The following ROBO2 variants were observed in gnomAD, a reference collection of about 807,000 sequenced individuals.
ROBO2 encodes the protein roundabout homolog 2.
ROBO2 carries 53 observed loss-of-function variants against 160.8 expected under a neutral mutation model. That is an observed-to-expected ratio of 0.33 (90% CI 0.26 to 0.41). The LOEUF (loss-of-function observed/expected upper bound fraction) is 0.41, where lower values mean the gene tolerates loss of function less well. ROBO2 is among the 10% of genes least tolerant of loss of function. The pLI, the probability that ROBO2 is intolerant of heterozygous loss-of-function variation, is 1.00. For synonymous variants in ROBO2, 664 were observed against 611.7 expected, an observed-to-expected ratio of 1.09 and a Z score of -1.26; for missense variants, 1,577 against 1,722.4, an observed-to-expected ratio of 0.92 and a Z score of 1.49.
intron 2 of ROBO2, among the ~76,000 whole-genome samples, chr3:76,261,707 T>C (rs1706778996): frequency 6.6e-6 from 1 of 152,128 alleles, no homozygotes. Context: ...CTCCTCATCG[T>C]AGAAAAAATA....
chr3:76,307,568 C>A (rs1170141518), intron 2 of ROBO2, among the ~76,000 whole-genome samples: 1 of 151,830 alleles, frequency 6.6e-6, no homozygotes, highest in African/African-American at 2.4e-5. Context: ...TGCCAGTAAA[C>A]TAAAGAAGAT....
At chr3:77,360,395 G>C (rs1482249339) in intron 2 of ROBO2, among the ~76,000 whole-genome samples, 1 of 152,044 alleles carries the variant, frequency 6.6e-6, no homozygotes, top group Non-Finnish European at 1.5e-5. Flanking sequence ...ATGAAGGGTG[G>C]AGAGGAAAGG....
intron 2 of ROBO2, among the ~76,000 whole-genome samples, chr3:76,249,320 G>A (rs1302707375): frequency 1.3e-5 from 2 of 152,160 alleles, no homozygotes; most frequent in East Asian, 3.9e-4. Flanking sequence ...TTAAAACTGA[G>A]ATTCTCAAGG....
intron 2 of ROBO2, among the ~76,000 whole-genome samples, chr3:76,766,806 A>T (rs2061599555): frequency 1.3e-5 from 2 of 151,570 alleles, no homozygotes; most frequent in Admixed American, 6.6e-5. Context: ...AATATTTGCC[A>T]TTGCTGTCTG....
At chr3:76,278,159 G>A (rs550618578) in intron 2 of ROBO2, among the ~76,000 whole-genome samples, 3 of 151,994 alleles carry the variant, frequency 2.0e-5, no homozygotes, top group South Asian at 4.1e-4. Context: ...GACTAATTGG[G>A]TGATGAAAAC....
chr3:76,366,390 AT>A (rs746199141), intron 2 of ROBO2, among the ~76,000 whole-genome samples: 9 of 151,818 alleles, frequency 5.9e-5, no homozygotes, highest in East Asian at 1.9e-4. Flanking sequence ...AATACTTCAG[AT>A]TTTTTTTATG....
chr3:77,503,490 C>T (rs2153609559), intron 5 of ROBO2, among the ~76,000 whole-genome samples: 1 of 150,626 alleles, frequency 6.6e-6, no homozygotes, highest in Admixed American at 6.6e-5. Flanking sequence ...CGCCACTGCA[C>T]TCCAGCCTGG....
At chr3:76,453,171 C>T (rs966228601) in intron 2 of ROBO2, among the ~76,000 whole-genome samples, 78 of 151,698 alleles carry the variant, frequency 5.1e-4, no homozygotes, top group African/African-American at 1.6e-3. Flanking sequence ...CAGAAGCTCT[C>T]TAGTTTAATT....
At chr3:75,931,900 C>T (rs991697697) in intron 1 of ROBO2, among the ~76,000 whole-genome samples, 6 of 152,046 alleles carry the variant, frequency 3.9e-5, no homozygotes, top group African/African-American at 1.4e-4. Context: ...CACTGCAGCT[C>T]AGTAACTAAG....
chr3:75,955,859 C>T (rs1381698569), intron 2 of ROBO2, among the ~76,000 whole-genome samples: 1 of 151,742 alleles, frequency 6.6e-6, no homozygotes, highest in Admixed American at 6.6e-5. Flanking sequence ...CTCACTCTCA[C>T]TGTGCCCTTT....
intron 2 of ROBO2, among the ~76,000 whole-genome samples, chr3:76,418,625 TCTGGTTCAG>T (rs967320677): frequency 6.6e-6 from 1 of 152,126 alleles, no homozygotes; most frequent in Non-Finnish European, 1.5e-5. Flanking sequence ...CCGACCTACT[TCTGGTTCAG>T]AGCTATTTGC....
intron 2 of ROBO2, among the ~76,000 whole-genome samples, chr3:76,096,115 A>C (rs2069442675): frequency 6.6e-6 from 1 of 152,182 alleles, no homozygotes. Context: ...TCATGTGTGC[A>C]GTGCATGTCA....
chr3:77,487,643 T>C (rs911139661), intron 4 of ROBO2, among the ~76,000 whole-genome samples: 1 of 152,144 alleles, frequency 6.6e-6, no homozygotes, highest in Admixed American at 6.6e-5. Context: ...AAAGGAGACC[T>C]ACCAGGGCCA....
rs2093385370 is a variant in ROBO2, at chr3:77,563,305, G to A, written c.1658G>A (p.Ser553Asn). ...GGTACCCCTGGAACCCTTCCAGCAA[G>A]TGCATATATCATTGAGGCTTTCAGG... The change falls in exon 11 of 26, where the codon AGT becomes AAT. Residue 553 changes from serine to asparagine, a missense_variant. By Grantham distance (46) the Ser-to-Asn change is conservative. Transcript: ENST00000461745. 5.0e-6 allele frequency: 8 copies of A among 1,613,532 alleles called. No individual in the cohort carries two copies. Among genetic ancestry groups the A allele is most frequent in the South Asian group, 1.1e-5 (1 of 91,068 alleles).
At chr3:75,918,192 C>T (rs1190503712) in intron 1 of ROBO2, among the ~76,000 whole-genome samples, 2 of 152,028 alleles carry the variant, frequency 1.3e-5, no homozygotes, top group Non-Finnish European at 2.9e-5. Context: ...TTTTAATCCA[C>T]TTTGAGTTAA....
intron 1 of ROBO2, among the ~76,000 whole-genome samples, chr3:75,914,365 T>C (rs1263816245): frequency 6.6e-6 from 1 of 152,228 alleles, no homozygotes; most frequent in African/African-American, 2.4e-5. Flanking sequence ...ACAAAGCTGC[T>C]ATAATCATTT....
intron 11 of ROBO2, among the ~76,000 whole-genome samples, chr3:77,563,768 T>TTTA (rs1310393465): frequency 6.6e-6 from 1 of 152,136 alleles, no homozygotes; most frequent in Non-Finnish European, 1.5e-5. Context: ...TCCCAATATT[T>TTTA]TTATACCATA....
chr3:77,146,989 A>C (rs1409646474), intron 2 of ROBO2, among the ~76,000 whole-genome samples: 2 of 152,134 alleles, frequency 1.3e-5, no homozygotes, highest in East Asian at 3.9e-4. Flanking sequence ...ACAAAACAAA[A>C]CAAGAAAAAT....
intron 2 of ROBO2, among the ~76,000 whole-genome samples, chr3:76,275,459 A>G (rs565827469): frequency 1.7e-4 from 26 of 152,208 alleles, no homozygotes; most frequent in African/African-American, 6.3e-4. Flanking sequence ...TCTTCTTTGT[A>G]CTGTGACAAA....
Sources: allele counts gnomAD v4.1 joint callset (sites outside exome capture counted in the v4.1 genomes callset), GRCh38; gene constraint gnomAD v4.1.1; transcripts MANE v1.5; gene names NCBI Gene and HGNC (gene_info 2026-07-23, HGNC 2026-07-21).